The following AUTS2 variants were observed in gnomAD, a reference collection of about 807,000 sequenced individuals.
AUTS2 encodes the protein autism susceptibility gene 2 protein.
AUTS2 carries 17 observed loss-of-function variants against 112.4 expected under a neutral mutation model. The ratio of observed to expected loss-of-function variants is 0.15; its 90% CI spans 0.10 to 0.23. The LOEUF (loss-of-function observed/expected upper bound fraction) is 0.23, where lower values mean the gene tolerates loss of function less well. Ranked by LOEUF, AUTS2 falls within the 10% of genes least tolerant of loss-of-function variation. The pLI, the probability that AUTS2 is intolerant of heterozygous loss-of-function variation, is 1.00. For synonymous variants in AUTS2, 751 were observed against 702.7 expected (o/e 1.07, Z -1.09); for missense variants, 1,510 against 1,701.6 (o/e 0.89, Z 1.98).
intron 2 of AUTS2, among the ~76,000 whole-genome samples, chr7:70,018,275 CTT>C (rs1258438690): frequency 2.0e-5 from 3 of 151,756 alleles, no homozygotes; most frequent in Admixed American, 1.3e-4. Context: ...TATTCGCTGA[CTT>C]TTATGTTCAG....
intron 1 of AUTS2, among the ~76,000 whole-genome samples, chr7:69,771,014 C>CT (rs1788640284): frequency 6.6e-6 from 1 of 152,148 alleles, no homozygotes; most frequent in Non-Finnish European, 1.5e-5. Flanking sequence ...CCGCCAACTC[C>CT]TTAGTTAAAG....
intron 5 of AUTS2, among the ~76,000 whole-genome samples, chr7:70,540,489 A>C (rs531253146): frequency 6.6e-6 from 1 of 152,292 alleles, no homozygotes; most frequent in Admixed American, 6.5e-5. Flanking sequence ...CGGGGGAAGC[A>C]CACAGTCGTC....
At chr7:70,089,044 T>G (rs1369988512) in intron 2 of AUTS2, among the ~76,000 whole-genome samples, 1 of 152,228 alleles carries the variant, frequency 6.6e-6, no homozygotes, top group Non-Finnish European at 1.5e-5. Flanking sequence ...ATATTCCATG[T>G]GTGCTTGAAA....
chr7:70,311,934 T>G (rs1789775102), intron 4 of AUTS2, among the ~76,000 whole-genome samples: 1 of 152,230 alleles, frequency 6.6e-6, no homozygotes, highest in Non-Finnish European at 1.5e-5. Flanking sequence ...CAGGATGGTC[T>G]TGATCTCTTG....
chr7:70,755,258 TTTTAAC>T (rs1789123989), intron 6 of AUTS2, among the ~76,000 whole-genome samples: 1 of 148,960 alleles, frequency 6.7e-6, no homozygotes, highest in African/African-American at 2.6e-5. Context: ...AGCAAGACCC[TTTTAAC>T]TTTTTTTTTT....
chr7:69,799,781 C>A (rs1790002720), intron 1 of AUTS2, among the ~76,000 whole-genome samples: 1 of 152,044 alleles, frequency 6.6e-6, no homozygotes, highest in African/African-American at 2.4e-5. Flanking sequence ...AATCTAAGCT[C>A]TCCCCGCCCC....
At chr7:70,131,257 C>T (rs560759165) in intron 3 of AUTS2, among the ~76,000 whole-genome samples, 1 of 152,098 alleles carries the variant, frequency 6.6e-6, no homozygotes, top group East Asian at 1.9e-4. Context: ...TTGAGACCAG[C>T]CTGGGCAACA....
chr7:70,194,640 T>A (rs1332762917), intron 4 of AUTS2: 1 of 152,164 alleles, frequency 6.6e-6, no homozygotes, highest in Non-Finnish European at 1.5e-5. Context: ...TAGAGCTTAT[T>A]ACGTGTTTGC....
At chr7:69,895,520 C>G (rs1230035269) in intron 1 of AUTS2, among the ~76,000 whole-genome samples, 1 of 150,470 alleles carries the variant, frequency 6.6e-6, no homozygotes, top group Non-Finnish European at 1.5e-5. Context: ...TCTAGACACA[C>G]TTTGATCCTC....
At chr7:69,648,198 T>C (rs1462901554) in intron 1 of AUTS2, among the ~76,000 whole-genome samples, 3 of 152,172 alleles carry the variant, frequency 2.0e-5, no homozygotes, top group African/African-American at 7.2e-5. Flanking sequence ...TCCTGACCTA[T>C]CTGTACATAA....
At chr7:70,282,031 GATA>G (rs1788241453) in intron 4 of AUTS2, among the ~76,000 whole-genome samples, 1 of 152,182 alleles carries the variant, frequency 6.6e-6, no homozygotes, top group Admixed American at 6.5e-5. Context: ...AAGCTTTAAT[GATA>G]ATTTTGAGTT....
intron 1 of AUTS2, among the ~76,000 whole-genome samples, chr7:69,647,138 AT>A (rs910872551): frequency 5.3e-5 from 8 of 150,810 alleles, no homozygotes; most frequent in African/African-American, 1.5e-4. Flanking sequence ...CTTGTGCCTC[AT>A]TTTTTTTTCA....
chr7:70,107,403 G>A (rs963687637), intron 2 of AUTS2, among the ~76,000 whole-genome samples: 1 of 138,964 alleles, frequency 7.2e-6, no homozygotes, highest in Non-Finnish European at 1.5e-5. Flanking sequence ...GAGTTCAGTA[G>A]CGTGATCTCG....
At chr7:70,411,190 A>T (rs1053250240) in intron 4 of AUTS2, among the ~76,000 whole-genome samples, 1 of 152,100 alleles carries the variant, frequency 6.6e-6, no homozygotes, top group Non-Finnish European at 1.5e-5. Context: ...TTAATTAAAC[A>T]TATCACTGCC....
intron 5 of AUTS2, among the ~76,000 whole-genome samples, chr7:70,595,849 C>T (rs1274036012): frequency 6.6e-6 from 1 of 152,224 alleles, no homozygotes; most frequent in Non-Finnish European, 1.5e-5. Context: ...TTTGTGGTTC[C>T]GGCACCGACA....
intron 2 of AUTS2, among the ~76,000 whole-genome samples, chr7:69,926,441 GTCTGTCTATCTATCTA>G (rs1444180828): frequency 0.02 from 2,754 of 140,220 alleles, 44 homozygotes; most frequent in African/African-American, 0.037. Flanking sequence ...CTGTCTGTCT[GTCTGTCTATCTATCTA>G]TCTATCTATC....
intron 2 of AUTS2, among the ~76,000 whole-genome samples, chr7:69,914,237 T>G (rs1373091297): frequency 6.6e-6 from 1 of 152,080 alleles, no homozygotes; most frequent in African/African-American, 2.4e-5. Context: ...ATAATTAAAG[T>G]TGAGTGGTTT....
chr7:69,669,692 G>T (rs1796225736), intron 1 of AUTS2, among the ~76,000 whole-genome samples: 1 of 152,066 alleles, frequency 6.6e-6, no homozygotes, highest in South Asian at 2.1e-4. Flanking sequence ...CTTTTTGAAA[G>T]ATGATTTTTT....
chr7:70,465,869 G>T (rs1797150261), intron 5 of AUTS2, among the ~76,000 whole-genome samples: 1 of 152,194 alleles, frequency 6.6e-6, no homozygotes, highest in Non-Finnish European at 1.5e-5. Context: ...TTCCAGCAAG[G>T]CTGCTTGCTG....
Sources: gnomAD v4.1 joint callset for allele counts (sites outside exome capture counted in the v4.1 genomes callset) on GRCh38, gnomAD v4.1.1 for gene constraint, MANE v1.5 for transcripts, NCBI Gene and HGNC (gene_info 2026-07-23, HGNC 2026-07-21) for gene names.